The following RAB28 variants were observed in gnomAD, a reference collection of about 807,000 sequenced individuals.
RAB28 encodes the protein RAB28, member RAS oncogene family.
A neutral mutation model predicts 31.7 loss-of-function variants in RAB28; 24 were observed. That is an observed-to-expected ratio of 0.76 (90% CI 0.55 to 1.06). RAB28 has a LOEUF of 1.06. RAB28 is among the 50% of genes least tolerant of loss of function. The probability of loss-of-function intolerance (pLI) is 0.00; values close to 1 mark genes in which losing one functional copy is unlikely to be tolerated. For missense variants in RAB28, 254 were observed against 258.5 expected, an observed-to-expected ratio of 0.98 and a Z score of 0.12; for synonymous variants, 100 against 90.4, an observed-to-expected ratio of 1.11 and a Z score of -0.60.
intron 4 of RAB28, among the ~76,000 whole-genome samples, chr4:13,410,869 T>C (rs373013545): frequency 3.8e-4 from 58 of 152,160 alleles, no homozygotes; most frequent in African/African-American, 1.3e-3. Flanking sequence ...CCATAAAGAA[T>C]GTCTGTGGCA....
chr4:13,462,062 G>C (rs1364809178), intron 3 of RAB28, among the ~76,000 whole-genome samples: 1 of 152,184 alleles, frequency 6.6e-6, no homozygotes, highest in Non-Finnish European at 1.5e-5. Context: ...GCATTGTGCT[G>C]GATTCCTACG....
chr4:13,434,193 A>G (rs1713969397), intron 4 of RAB28, among the ~76,000 whole-genome samples: 1 of 152,190 alleles, frequency 6.6e-6, no homozygotes, highest in Non-Finnish European at 1.5e-5. Flanking sequence ...GTAAAGGCTG[A>G]AAAACTACCT....
At chr4:13,402,678 A>G (rs183576735) in intron 4 of RAB28, among the ~76,000 whole-genome samples, 119 of 152,154 alleles carry the variant, frequency 7.8e-4, no homozygotes, top group Middle Eastern at 3.4e-3. Context: ...TTTCTATCCA[A>G]TATGATTATT....
At chr4:13,397,948 C>T (rs1460657263) in intron 4 of RAB28, among the ~76,000 whole-genome samples, 1 of 151,964 alleles carries the variant, frequency 6.6e-6, no homozygotes, top group Non-Finnish European at 1.5e-5. Context: ...ATCTTCATAA[C>T]TCCAAAGAGT....
At chr4:13,455,654 A>G (rs940534192) in intron 4 of RAB28, among the ~76,000 whole-genome samples, 2 of 152,236 alleles carry the variant, frequency 1.3e-5, no homozygotes, top group Non-Finnish European at 2.9e-5. Context: ...ATCTTGTGCT[A>G]GTAATCCGGA....
intron 4 of RAB28, among the ~76,000 whole-genome samples, chr4:13,444,088 C>T (rs1009458487): frequency 4.0e-5 from 6 of 150,382 alleles, no homozygotes; most frequent in South Asian, 2.1e-4. Context: ...AGTGCAGTGG[C>T]GCGATCTCGG....
chr4:13,383,851 T>G (rs1192754999), intron 4 of RAB28, among the ~76,000 whole-genome samples: 1 of 152,212 alleles, frequency 6.6e-6, no homozygotes, highest in East Asian at 1.9e-4. Context: ...CAGACCTGAA[T>G]GATGCAGGGC....
At chr4:13,372,190 A>G (rs1394067249) in intron 6 of RAB28, among the ~76,000 whole-genome samples, 1 of 152,104 alleles carries the variant, frequency 6.6e-6, no homozygotes. Flanking sequence ...TGAGATGCTA[A>G]GAGTCTAGCA....
At chr4:13,386,756 A>G (rs535959641) in intron 4 of RAB28, among the ~76,000 whole-genome samples, 7 of 152,310 alleles carry the variant, frequency 4.6e-5, no homozygotes, top group African/African-American at 1.7e-4. Context: ...GTATATACCC[A>G]AAGGAATATA....
At chr4:13,391,060 C>A (rs1729607105) in intron 4 of RAB28, among the ~76,000 whole-genome samples, 1 of 152,136 alleles carries the variant, frequency 6.6e-6, no homozygotes, top group Non-Finnish European at 1.5e-5. Flanking sequence ...CAAATGGGAT[C>A]TAATTAAACT....
rs573772132 is a variant in RAB28, at chr4:13,420,023, G to GA, written c.392-38430dup. 8.0e-4 allele frequency among the ~76,000 whole-genome samples: 121 copies of GA among 151,396 alleles called. 1 individual carries two copies. Among genetic ancestry groups the GA allele is most frequent in the Non-Finnish European group, 1.7e-3 (113 of 67,862 alleles). On this transcript the variant is annotated intron_variant, in intron 4 of 6. Coordinates refer to ENST00000330852, the MANE Select transcript of RAB28 (RefSeq NM_001017979.3). ...ATAGACCGTTAGCAAGACTAATAAA[G>GA]AAAAAAAGAGAGAAGAATCAAATAG... is the stretch of plus-strand genomic sequence containing the variant.
intron 4 of RAB28, among the ~76,000 whole-genome samples, chr4:13,418,909 C>T (rs1712953425): frequency 6.6e-6 from 1 of 152,134 alleles, no homozygotes; most frequent in Non-Finnish European, 1.5e-5. Flanking sequence ...ACAATACTTA[C>T]CTTAAATGTA....
At position 13,418,563 on chromosome 4, in the gene RAB28, A is replaced by C. The variant is rs143460177; in HGVS notation, c.392-36969T>G. Among the ~76,000 whole-genome samples, 995 of 152,332 alleles carry C rather than the reference A, an allele frequency of 6.5e-3. 9 individuals are homozygous for C. The highest frequency in any genetic ancestry group is 0.022 in the African/African-American group (934 of 41,568). On this transcript the variant is annotated intron_variant, in intron 4 of 6. Transcript: ENST00000330852. ...GCTAACAGCGGATCTCTTGGCAGAA[A>C]CTCTACAAGCCAGAAGACAGCAGGG...
chr4:13,395,308 C>T (rs75676854), intron 4 of RAB28, among the ~76,000 whole-genome samples: 5,947 of 152,124 alleles, frequency 0.039, 236 homozygotes, highest in African/African-American at 0.098. Flanking sequence ...TGCTTTGCCT[C>T]ATCACTTGAT....
chr4:13,419,658 A>G (rs909662081), intron 4 of RAB28, among the ~76,000 whole-genome samples: 1 of 152,222 alleles, frequency 6.6e-6, no homozygotes, highest in Non-Finnish European at 1.5e-5. Context: ...ACTACTGGGT[A>G]AATAATGAAA....
Position 13,374,446 on chromosome 4 carries a change from T to C in RAB28, c.573+2099A>G, listed in dbSNP as rs113451921. Among the ~76,000 whole-genome samples, 433 of 152,250 alleles carry C rather than the reference T, an allele frequency of 2.8e-3. 5 individuals carry two copies. The highest frequency in any genetic ancestry group is 9.0e-3 in the African/African-American group (374 of 41,560). On this transcript the variant is annotated intron_variant, in intron 6 of 6. Coordinates refer to ENST00000330852, the MANE Select transcript of RAB28 (RefSeq NM_001017979.3). ...CCAAATTTTGCCTCCAGTTGTTTCA[T>C]TTCTCCAGAGGTCTCCTTGTATCTG...
chr4:13,395,689 A>G (rs768872234), intron 4 of RAB28, among the ~76,000 whole-genome samples: 5 of 152,136 alleles, frequency 3.3e-5, no homozygotes, highest in Non-Finnish European at 7.4e-5. Flanking sequence ...TTTTTAAACT[A>G]GACATATCAA....
At position 13,374,124 on chromosome 4, in the gene RAB28, G is replaced by T. The variant is rs1728829670; in HGVS notation, c.573+2421C>A. On this transcript the variant is annotated intron_variant, in intron 6 of 6. Transcript: ENST00000330852. ...CATCAGGATCAAGAAAGACTAATAA[G>T]GATTCTTGCTATACACAAAGAATTT... 2.0e-5 allele frequency among the ~76,000 whole-genome samples: 3 copies of T among 152,016 alleles called. No homozygotes were observed. In the South Asian group the frequency reaches 6.2e-4, roughly 32 times the overall value.
At chr4:13,414,128 G>A (rs1712613528) in intron 4 of RAB28, among the ~76,000 whole-genome samples, 1 of 152,122 alleles carries the variant, frequency 6.6e-6, no homozygotes, top group South Asian at 2.1e-4. Context: ...ACTCAGAAAA[G>A]CCCAAAAGCT....
Sources: gnomAD v4.1 joint callset for allele counts (sites outside exome capture counted in the v4.1 genomes callset) on GRCh38, gnomAD v4.1.1 for gene constraint, MANE v1.5 for transcripts, NCBI Gene and HGNC (gene_info 2026-07-23, HGNC 2026-07-21) for gene names.